Variants in GSE1 observed in about 807,000 individuals in gnomAD.
GSE1 encodes the protein genetic suppressor element 1.
A neutral mutation model predicts 112.6 loss-of-function variants in GSE1; 32 were observed. The observed-to-expected ratio is 0.28, with a 90% CI of 0.21 to 0.38. The LOEUF is 0.38. Among genes scored for constraint, GSE1 ranks in the 10% least tolerant of loss-of-function variants. The pLI, the probability that GSE1 is intolerant of heterozygous loss-of-function variation, is 1.00. For missense variants in GSE1, 2,348 were observed against 1,699.2 expected (o/e 1.38, Z -6.71); for synonymous variants, 1,115 against 735.6 (o/e 1.52, Z -8.35).
In GSE1 at chr16:85,493,790, C is replaced by CAAAAAAAAAAA; in HGVS notation, c.2464+136156_2464+136166dup. On this transcript the variant is annotated intron_variant, in intron 2 of 2. Coordinates refer to the GSE1 transcript ENST00000637419. ...GGGCAACGAGAGTGAGACTCCGTCT[C>CAAAAAAAAAAA]AAAAAAAAAAAAAAAAAAAGCCAGC... 2.4e-5 allele frequency among the ~76,000 whole-genome samples: 2 copies of CAAAAAAAAAAA among 84,424 alleles called. 1 individual carries two copies. Among genetic ancestry groups the CAAAAAAAAAAA allele is most frequent in the Non-Finnish European group, 4.6e-5 (2 of 43,936 alleles). 55.4% of individuals were successfully genotyped at this position (84,424 alleles called of 152,430 possible). A position where few individuals can be genotyped will look rare whatever the true frequency, so the allele number is the denominator to read the frequency against.
At chr16:85,556,071 C>G (rs1162757447) in exon 1 of GSE1, 1 of 984,662 alleles carries the variant, frequency 1.0e-6, no homozygotes, top group African/African-American at 1.8e-5. Flanking sequence ...CATTGTGGAT[C>G]TGCCAGGGCC....
chr16:85,408,114 T>C (rs1338300839), intron 2 of GSE1, among the ~76,000 whole-genome samples: 2 of 42,730 alleles, frequency 4.7e-5, no homozygotes, highest in Admixed American at 1.9e-4. Context: ...TAATCCTCAC[T>C]GTTACTCTCA....
chr16:85,237,618 C>CCTG (rs1446537770), intron 1 of GSE1, among the ~76,000 whole-genome samples: 24 of 152,064 alleles, frequency 1.6e-4, no homozygotes, highest in African/African-American at 5.3e-4. Flanking sequence ...GCGGGCAGAT[C>CCTG]ACGCGGTCAG....
At chr16:85,357,554 C>T (rs1354064153) in exon 2 of GSE1, 7 of 1,287,642 alleles carry the variant, frequency 5.4e-6, no homozygotes, top group Non-Finnish European at 7.1e-6. Context: ...GAGACCCTGC[C>T]CAGAGGCCCC....
At position 85,666,100 on chromosome 16, in the gene GSE1, G is replaced by A. The variant is rs144920258; in HGVS notation, c.2883G>A (p.Ser961=). The A allele has an allele frequency of 1.1e-3, 1,784 of 1,613,170 alleles. 34 individuals are homozygous for A. The South Asian group carries it at 0.019, about 17-fold the overall frequency. Residue 961 remains serine (S), a synonymous_variant, in exon 13 of 16, where the codon TCG becomes TCA. Transcript: ENST00000253458. ...KLEQVRPQEL[S]RVQELAPASG... is the part of the protein sequence containing the mutation. Reference sequence around the variant, plus strand: ...AACAGGTCCGGCCCCAGGAGCTGTCGAGAGTCCAGGAGCTAGCTCCTGCCA... The same window carrying A: ...AACAGGTCCGGCCCCAGGAGCTGTCAAGAGTCCAGGAGCTAGCTCCTGCCA...
rs747729255 is a variant in GSE1, at chr16:85,668,406, T to C, written c.3397T>C (p.Tyr1133His). 6.2e-7 allele frequency: 1 copy of C among 1,605,186 alleles called. No individual in the cohort carries two copies. Among genetic ancestry groups the C allele is most frequent in the South Asian group, 1.1e-5 (1 of 90,794 alleles). ...AGGGATCGAGGCCGTTTTTGAAGCT[T>C]ACCAGGAACACATAGAAGGTAAGGG... ...WQGIEAVFEA[Y>H]QEHIEEQNLE... Residue 1133 changes from tyrosine to histidine, a missense_variant, in exon 14 of 16, where the codon TAC becomes CAC. Physicochemically the swap from Tyr to His is moderately conservative, Grantham distance 83. Coordinates refer to ENST00000253458, the MANE Select transcript of GSE1 (RefSeq NM_014615.5).
At chr16:85,560,542 G>A (rs562220735) in intron 1 of GSE1, among the ~76,000 whole-genome samples, 3 of 152,290 alleles carry the variant, frequency 2.0e-5, no homozygotes, top group Admixed American at 6.5e-5. Context: ...AATGGTAGCC[G>A]TGAGGGGATG....
At chr16:85,626,915 A>T (rs2049117879) in intron 1 of GSE1, among the ~76,000 whole-genome samples, 1 of 151,876 alleles carries the variant, frequency 6.6e-6, no homozygotes, top group African/African-American at 2.4e-5. Context: ...GAGCGTTTGG[A>T]CAGCAGGCAG....
intron 14 of GSE1, among the ~76,000 whole-genome samples, chr16:85,668,797 C>G (rs1179881899): frequency 1.3e-5 from 2 of 152,226 alleles, no homozygotes; most frequent in Admixed American, 6.5e-5. Flanking sequence ...CTGGTCACTG[C>G]TCCAGCATGC....
upstream of GSE1, among the ~76,000 whole-genome samples, chr16:85,607,890 A>G (rs1360845852): frequency 6.6e-6 from 1 of 152,180 alleles, no homozygotes; most frequent in Non-Finnish European, 1.5e-5. Context: ...TCCAGCAGAC[A>G]CGCTGTGGCC....
intron 13 of GSE1, chr16:85,666,632 G>A (rs1166480929): frequency 1.2e-5 from 5 of 432,518 alleles, no homozygotes; most frequent in East Asian, 4.6e-5. Context: ...AGTGAACGCC[G>A]ACAGGCATTG....
intron 1 of GSE1, among the ~76,000 whole-genome samples, chr16:85,600,750 A>G (rs905626413): frequency 6.6e-6 from 1 of 152,136 alleles, no homozygotes; most frequent in Admixed American, 6.5e-5. Flanking sequence ...CAACTGGGGA[A>G]AGGCACTCAG....
chr16:85,665,662 G>T (rs969509425), intron 12 of GSE1, among the ~76,000 whole-genome samples: 1 of 152,158 alleles, frequency 6.6e-6, no homozygotes, highest in East Asian at 1.9e-4. Context: ...CCCAGTCCTC[G>T]GCCCCTCACA....
chr16:85,639,305 C>T lies in GSE1; in HGVS notation c.226+5173C>T, dbSNP rs185150417. On this transcript the variant is annotated intron_variant, in intron 2 of 15. Coordinates refer to ENST00000253458, the MANE Select transcript of GSE1 (RefSeq NM_014615.5). ...TACAAGCAGGGACCTGTCCCCTCCT[C>T]GGAATGGCGGCCTGGCCACCGCCTC... is the stretch of plus-strand genomic sequence containing the variant. Among the ~76,000 whole-genome samples, 903 of 152,290 alleles carry T rather than the reference C, an allele frequency of 5.9e-3. 12 individuals are homozygous for T. The highest frequency in any genetic ancestry group is 0.021 in the African/African-American group (869 of 41,562).
chr16:85,186,777 G>A (rs549273983), intron 1 of GSE1, among the ~76,000 whole-genome samples: 147 of 152,144 alleles, frequency 9.7e-4, no homozygotes, highest in African/African-American at 3.3e-3. Flanking sequence ...AACAACAAAA[G>A]ACAAAAAAAT....
intron 1 of GSE1, among the ~76,000 whole-genome samples, chr16:85,222,028 C>T (rs893826068): frequency 3.3e-5 from 5 of 152,120 alleles, no homozygotes; most frequent in East Asian, 1.9e-4. Flanking sequence ...CTGTCAGCCT[C>T]GGGTCTGCTG....
intron 1 of GSE1, among the ~76,000 whole-genome samples, chr16:85,219,564 C>G (rs2075357944): frequency 1.3e-5 from 2 of 152,192 alleles, no homozygotes; most frequent in South Asian, 2.1e-4. Context: ...CATGAGTACA[C>G]TCACTGCACG....
chr16:85,290,250 C>G (rs182217748), intron 1 of GSE1, among the ~76,000 whole-genome samples: 5 of 152,332 alleles, frequency 3.3e-5, no homozygotes, highest in Admixed American at 3.3e-4. Flanking sequence ...CCTGCACAGG[C>G]CTGCCCTGCC....
intron 1 of GSE1, among the ~76,000 whole-genome samples, chr16:85,259,390 C>G (rs977281318): frequency 6.6e-6 from 1 of 152,210 alleles, no homozygotes; most frequent in Non-Finnish European, 1.5e-5. Flanking sequence ...CTCCAGGCAC[C>G]TGAAGACTTG....
Sources: gnomAD v4.1 joint callset for allele counts (sites outside exome capture counted in the v4.1 genomes callset) on GRCh38, gnomAD v4.1.1 for gene constraint, MANE v1.5 for transcripts, NCBI Gene and HGNC (gene_info 2026-07-23, HGNC 2026-07-21) for gene names.